SYNE1: variants seen among roughly 807,000 people sequenced by gnomAD.
The protein encoded by SYNE1 is spectrin repeat containing nuclear envelope protein 1, also known as nesprin-1.
Under a neutral mutation model 1,111.0 loss-of-function variants are expected in SYNE1, and 616 were observed. That is an observed-to-expected ratio of 0.55 (90% confidence interval 0.52 to 0.59). The LOEUF (loss-of-function observed/expected upper bound fraction) is 0.59, where lower values mean the gene tolerates loss of function less well. Among genes scored for constraint, SYNE1 ranks in the 20% least tolerant of loss-of-function variants. The pLI, the probability that SYNE1 is intolerant of heterozygous loss-of-function variation, is 0.00. For synonymous variants in SYNE1, 3,855 were observed against 3,825.8 expected (o/e 1.01, Z -0.28); for missense variants, 10,006 against 10,417.0 (o/e 0.96, Z 1.72).
intron 18 of SYNE1, 37 bp downstream of exon 18, chr6:152,465,221 A>G (rs753246016): frequency 1.2e-6 from 2 of 1,608,898 alleles, no homozygotes; most frequent in South Asian, 1.1e-5. Flanking sequence ...TTTTACATAC[A>G]TCAAACGTCT....
At chr6:152,268,214 A>G in intron 99 of SYNE1, 49 bp from the exon 100 acceptor site, 2 of 1,390,594 alleles carry the variant, frequency 1.4e-6, no homozygotes, top group Non-Finnish European at 1.0e-6. Context: ...CTTTATGATT[A>G]TTGCCTACAA....
At chr6:152,391,184 C>T in intron 52 of SYNE1, 93 bp downstream of exon 52, 1 of 1,577,166 alleles carries the variant, frequency 6.3e-7, no homozygotes, top group Non-Finnish European at 8.6e-7. Flanking sequence ...CATTTAGAGG[C>T]TTACAGAACA....
In SYNE1 at chr6:152,451,718, T is replaced by G. The variant is rs560098141; in HGVS notation, c.3028-513A>C. On this transcript the variant is annotated intron_variant, in intron 25 of 145. Transcript: ENST00000367255. ...GATGGTCTTGAACTCCTGACCTAGG[T>G]GATCCACCCACCTCAGATTCCCAAA... 9.2e-5 allele frequency among the ~76,000 whole-genome samples: 14 copies of G among 152,140 alleles called. No homozygotes were observed. The South Asian group carries it at 2.9e-3, about 32-fold the overall frequency.
In SYNE1 at chr6:152,300,709, C is replaced by T; in HGVS notation, c.17614G>A (p.Glu5872Lys). 1 of 1,614,208 alleles carries T rather than the reference C, an allele frequency of 6.2e-7. No individual in the cohort carries two copies. The highest frequency in any genetic ancestry group is 8.5e-7 in the Non-Finnish European group (1 of 1,180,046). The change falls in exon 93 of 146, where the codon GAG (glutamate) becomes AAG (lysine). Residue 5872 changes from glutamate (E) to lysine (K), a missense_variant. Physicochemically the swap from Glu to Lys is moderately conservative, Grantham distance 56. This residue lies in a region of SYNE1 where 4,955 missense variants were observed against 5,017.2 expected (regional missense o/e 0.99). Coordinates refer to ENST00000367255, the MANE Select transcript of SYNE1 (RefSeq NM_182961.4). ...EESGEEGTNS[E>K]ISSPPACRSP... ...CGACAGGCAGGTGGAGAGGAAATCT[C>T]ACTGTTGGTTCCCTCCTCCCCAGAC... is the stretch of plus-strand genomic sequence containing the variant.
At chr6:152,480,217 G>T (rs1417323229) in intron 14 of SYNE1, among the ~76,000 whole-genome samples, 2 of 152,184 alleles carry the variant, frequency 1.3e-5, no homozygotes, top group African/African-American at 2.4e-5. Context: ...ATAATTTTTA[G>T]TTGTTTTAAT....
rs935303167 is a variant in SYNE1 at position 152,502,580 on chromosome 6, T to C, written c.888+53A>G. The C allele has an allele frequency of 3.0e-6, 4 of 1,351,610 alleles. No individual in the cohort carries two copies. The Admixed American group carries it at 6.7e-5, about 23-fold the overall frequency. 83.7% of individuals were successfully genotyped at this position (1,351,610 alleles called of 1,614,324 possible). On this transcript the variant is annotated intron_variant, in intron 10 of 145. Coordinates refer to ENST00000367255, the MANE Select transcript of SYNE1 (RefSeq NM_182961.4). The stretch of plus-strand genomic sequence containing the variant: ...TTTGAGAACAGTATACTCAAAAAGC[T>C]GAGTCACTGTCATTGCATATACCAG...
At chr6:152,382,801 G>A (rs1368878838) in intron 55 of SYNE1, among the ~76,000 whole-genome samples, 18 of 152,138 alleles carry the variant, frequency 1.2e-4, no homozygotes. Flanking sequence ...TCCTTAGCAT[G>A]AAAATGGAAC....
intron 115 of SYNE1, among the ~76,000 whole-genome samples, chr6:152,228,498 G>C (rs1287313095): frequency 1.3e-5 from 2 of 151,990 alleles, no homozygotes; most frequent in Admixed American, 6.6e-5. Context: ...ATGGAAAATG[G>C]CAGAAAAAGC....
At chr6:152,629,537 G>T (rs2099693835) in intron 2 of SYNE1, among the ~76,000 whole-genome samples, 1 of 49,152 alleles carries the variant, frequency 2.0e-5, no homozygotes, top group Admixed American at 2.2e-4. Flanking sequence ...GGGGGGGGGG[G>T]AGGGGGAGGG....
chr6:152,435,640 C>A, intron 33 of SYNE1: 3 of 417,632 alleles, frequency 7.2e-6, no homozygotes, highest in Admixed American at 4.0e-5. Flanking sequence ...AATATTAGTT[C>A]TTTTTCAAGA....
At position 152,249,153 on chromosome 6, in the gene SYNE1, A is replaced by G. The variant is rs751737681; in HGVS notation, c.19572+8T>C. Reference sequence around the variant, plus strand: ...TTTTCTCTTCTAGGAAAAGGCAGCTATAAATACCTCTATTTGTTCTGCTAC... The same window carrying G: ...TTTTCTCTTCTAGGAAAAGGCAGCTGTAAATACCTCTATTTGTTCTGCTAC... On this transcript the variant is annotated splice_region_variant and intron_variant, in intron 105 of 145. Coordinates refer to ENST00000367255, the MANE Select transcript of SYNE1 (RefSeq NM_182961.4). 6.3e-7 allele frequency: 1 copy of G among 1,589,946 alleles called. No individual in the cohort carries two copies. The highest frequency in any genetic ancestry group is 1.1e-5 in the South Asian group (1 of 90,582).
At chr6:152,356,275 T>C (rs2096836531) in intron 66 of SYNE1, among the ~76,000 whole-genome samples, 1 of 151,834 alleles carries the variant, frequency 6.6e-6, no homozygotes, top group Non-Finnish European at 1.5e-5. Context: ...ATACAGACAC[T>C]GTGGCCCTGG....
intron 4 of SYNE1, among the ~76,000 whole-genome samples, chr6:152,528,074 C>G (rs998813132): frequency 3.3e-5 from 5 of 152,202 alleles, no homozygotes; most frequent in African/African-American, 1.2e-4. Context: ...TGATCTGTTC[C>G]TACCCAAAAC....
intron 100 of SYNE1, among the ~76,000 whole-genome samples, chr6:152,262,451 A>G (rs997997609): frequency 1.3e-5 from 2 of 152,246 alleles, no homozygotes; most frequent in African/African-American, 2.4e-5. Flanking sequence ...ATAAAAAATT[A>G]TAGCACGATT....
In SYNE1 at chr6:152,230,633, A is replaced by G. The variant is rs559541353; in HGVS notation, c.21109T>C (p.Trp7037Arg). 1.2e-6 allele frequency: 2 copies of G among 1,614,090 alleles called. No homozygotes were observed. Among genetic ancestry groups the G allele is most frequent in the African/African-American group, 1.3e-5 (1 of 75,046 alleles). ...YENNVQCLKT[W>R]FETQEKRLKQ... ...AGTCTCTTTTCCTGGGTTTCAAACC[A>G]TGTTTTCAGACATTGTACATTATTT... Residue 7037 changes from tryptophan (W) to arginine (R), a missense_variant, in exon 115 of 146, where the codon TGG becomes CGG. Trp to Arg is a moderately radical substitution (Grantham distance 101). Coordinates refer to ENST00000367255, the MANE Select transcript of SYNE1 (RefSeq NM_182961.4).
At chr6:152,529,403 T>C (rs2099184756) in intron 4 of SYNE1, among the ~76,000 whole-genome samples, 1 of 152,158 alleles carries the variant, frequency 6.6e-6, no homozygotes, top group South Asian at 2.1e-4. Context: ...TCTGCTTGGG[T>C]CCAGAAGATG....
chr6:152,217,691 T>C (rs1415214004), intron 121 of SYNE1, among the ~76,000 whole-genome samples: 1 of 151,632 alleles, frequency 6.6e-6, no homozygotes, highest in African/African-American at 2.4e-5. Context: ...CAAAAGTTAA[T>C]AGAGAGGTGA....
At chr6:152,566,084 C>G (rs9397525) in intron 3 of SYNE1, among the ~76,000 whole-genome samples, 16,931 of 152,138 alleles carry the variant, frequency 0.11, 1,418 homozygotes, top group East Asian at 0.46. Flanking sequence ...TTTTCTTCCA[C>G]AGCACTACAG....
chr6:152,125,325 A>C, intron 145 of SYNE1: 1 of 1,550,442 alleles, frequency 6.4e-7, no homozygotes, highest in Non-Finnish European at 8.7e-7. Context: ...AATATTTGGA[A>C]ACAAGTGGTT....
Sources: allele counts gnomAD v4.1 joint callset (sites outside exome capture counted in the v4.1 genomes callset), GRCh38; gene constraint gnomAD v4.1.1; regional missense constraint gnomAD v4.1.1; transcripts MANE v1.5; gene names NCBI Gene and HGNC (gene_info 2026-07-23, HGNC 2026-07-21).